Variants in ADGRV1 observed in about 807,000 individuals in gnomAD.
ADGRV1 encodes the protein G-protein coupled receptor 98.
ADGRV1 carries 359 observed loss-of-function variants against 596.2 expected under a neutral mutation model. That is an observed-to-expected ratio of 0.60 (90% confidence interval 0.55 to 0.66). ADGRV1 has a LOEUF of 0.66. Among genes scored for constraint, ADGRV1 ranks in the 30% least tolerant of loss-of-function variants. The probability of loss-of-function intolerance (pLI) is 0.00; values close to 1 mark genes in which losing one functional copy is unlikely to be tolerated. For synonymous variants in ADGRV1, 2,681 were observed against 2,679.2 expected (o/e 1.00, Z -0.02); for missense variants, 7,274 against 7,575.6 (o/e 0.96, Z 1.48).
intron 75 of ADGRV1, 129 bp downstream of exon 75, chr5:90,815,865 G>C (rs1032030468): frequency 1.8e-5 from 11 of 614,202 alleles, no homozygotes; most frequent in Middle Eastern, 7.0e-4. Context: ...CACGTCTTCA[G>C]ATGCTCTAGT....
At chr5:90,947,222 T>A (rs1381815666) in intron 83 of ADGRV1, among the ~76,000 whole-genome samples, 1 of 152,222 alleles carries the variant, frequency 6.6e-6, no homozygotes, top group Non-Finnish European at 1.5e-5. Context: ...TTGATTTGCA[T>A]TTCTCTAACA....
chr5:90,674,032 C>T (rs1193317395), intron 22 of ADGRV1, 22 bp from the exon 23 acceptor site: 4 of 1,562,942 alleles, frequency 2.6e-6, no homozygotes, highest in South Asian at 2.3e-5. Context: ...TGCTTAGTGC[C>T]TCTGGATATT....
chr5:90,719,139 G>A (rs998981456), intron 43 of ADGRV1, among the ~76,000 whole-genome samples: 5 of 152,024 alleles, frequency 3.3e-5, no homozygotes, highest in Non-Finnish European at 7.4e-5. Context: ...AGACCAGCCT[G>A]GCCAACATAG....
chr5:91,133,229 A>G (rs1160997218), intron 87 of ADGRV1, among the ~76,000 whole-genome samples: 1 of 152,228 alleles, frequency 6.6e-6, no homozygotes, highest in African/African-American at 2.4e-5. Context: ...CTTGAAGAGA[A>G]GTTGGAGGTT....
chr5:90,854,074 A>C lies in ADGRV1; in HGVS notation c.17467A>C (p.Ser5823Arg). Residue 5823 changes from serine to arginine, a missense_variant, in exon 81 of 90, where the codon AGT (serine) becomes CGT (arginine). Ser to Arg is a moderately radical substitution (Grantham distance 110). Transcript: ENST00000405460. ...TTTAACATTCTAGGTATTATCTTTG[A>C]GTGTGAAAGGTCAGAGTTCACAACT... Reference protein sequence around the residue: ...PTLKNKVLSLSVKGQSSQLLT... With the variant: ...PTLKNKVLSLRVKGQSSQLLT... 6.3e-7 allele frequency: 1 copy of C among 1,581,376 alleles called. No homozygotes were observed. Among genetic ancestry groups the C allele is most frequent in the South Asian group, 1.1e-5 (1 of 87,282 alleles).
chr5:90,750,479 CAT>C, intron 52 of ADGRV1, 70 bp from the exon 53 acceptor site: 1 of 1,330,388 alleles, frequency 7.5e-7, no homozygotes, highest in Non-Finnish European at 1.0e-6. Context: ...TCCATAATAA[CAT>C]GAGACAAAAA....
intron 84 of ADGRV1, among the ~76,000 whole-genome samples, chr5:90,976,994 C>A (rs1349469775): frequency 6.6e-6 from 1 of 152,102 alleles, no homozygotes; most frequent in Non-Finnish European, 1.5e-5. Flanking sequence ...CTCAATATAA[C>A]CAGGCTATGA....
chr5:90,652,956 C>T (rs574940030), intron 19 of ADGRV1, among the ~76,000 whole-genome samples: 30 of 152,270 alleles, frequency 2.0e-4, no homozygotes, highest in Non-Finnish European at 4.1e-4. Context: ...TTAAAAAGCA[C>T]AGAATTAAAC....
Position 91,153,278 on chromosome 5 carries a change from T to G in ADGRV1, c.18682T>G (p.Leu6228Val), listed in dbSNP as rs1324894620. ...FQQGSQASPD[L>V]KPSPQNGATF... ...ACAGGGCAGTCAGGCCAGCCCTGATTTAAAGCCAAGTCCACAAAATGGAGC... is the reference window on the plus strand; with the variant it reads ...ACAGGGCAGTCAGGCCAGCCCTGATGTAAAGCCAAGTCCACAAAATGGAGC... Residue 6228 changes from leucine to valine, a missense_variant, in exon 89 of 90, where the codon TTA becomes GTA. Coordinates refer to ENST00000405460, the MANE Select transcript of ADGRV1 (RefSeq NM_032119.4). 1 of 1,609,786 alleles carries G rather than the reference T, an allele frequency of 6.2e-7. No individual in the cohort carries two copies. The highest frequency in any genetic ancestry group is 1.1e-5 in the South Asian group (1 of 89,872).
intron 83 of ADGRV1, among the ~76,000 whole-genome samples, chr5:90,914,129 G>A (rs760278365): frequency 5.9e-5 from 9 of 152,032 alleles, no homozygotes; most frequent in Non-Finnish European, 1.3e-4. Flanking sequence ...TTGGATGTGG[G>A]GTTTTTGCAC....
intron 85 of ADGRV1, among the ~76,000 whole-genome samples, chr5:91,052,589 C>G (rs1420686368): frequency 6.6e-6 from 1 of 152,068 alleles, no homozygotes; most frequent in African/African-American, 2.4e-5. Context: ...CCCCCACCAC[C>G]ACGCCTGGCT....
intron 60 of ADGRV1, among the ~76,000 whole-genome samples, chr5:90,775,924 T>A (rs1404609119): frequency 6.6e-6 from 1 of 152,206 alleles, no homozygotes; most frequent in Non-Finnish European, 1.5e-5. Flanking sequence ...CAATTTTCTT[T>A]AAGTTTCTGC....
At chr5:90,996,530 A>G (rs1412136775) in intron 85 of ADGRV1, among the ~76,000 whole-genome samples, 2 of 152,192 alleles carry the variant, frequency 1.3e-5, no homozygotes, top group Non-Finnish European at 2.9e-5. Flanking sequence ...CTGCAGGGGT[A>G]GGACCCTCAT....
chr5:91,122,853 G>A (rs1372493227), intron 87 of ADGRV1, among the ~76,000 whole-genome samples: 1 of 152,206 alleles, frequency 6.6e-6, no homozygotes, highest in African/African-American at 2.4e-5. Context: ...CTTACTCTCA[G>A]TTAATCCCTG....
intron 87 of ADGRV1, among the ~76,000 whole-genome samples, chr5:91,104,461 G>A (rs1791671510): frequency 6.6e-6 from 1 of 152,114 alleles, no homozygotes; most frequent in Admixed American, 6.6e-5. Flanking sequence ...CCTCCTTCTA[G>A]CACTTTGAAA....
intron 1 of ADGRV1, among the ~76,000 whole-genome samples, chr5:90,575,688 C>T (rs1757110557): frequency 6.6e-6 from 1 of 152,126 alleles, no homozygotes; most frequent in African/African-American, 2.4e-5. Context: ...GTCTACAGGC[C>T]TGGCAACTTT....
chr5:91,038,445 G>C (rs1785080735), intron 85 of ADGRV1, among the ~76,000 whole-genome samples: 1 of 152,226 alleles, frequency 6.6e-6, no homozygotes, highest in South Asian at 2.1e-4. Context: ...TACAAGCCCA[G>C]CAAGAGTTGA....
At chr5:90,672,911 C>T (rs376288750) in intron 22 of ADGRV1, 189 bp downstream of exon 22, 1 of 514,230 alleles carries the variant, frequency 1.9e-6, no homozygotes, top group Non-Finnish European at 3.4e-6. Context: ...GAGTTAGTTT[C>T]TTCATCACTT....
chr5:90,752,165 G>A (rs1755337600), intron 53 of ADGRV1, among the ~76,000 whole-genome samples: 1 of 152,174 alleles, frequency 6.6e-6, no homozygotes, highest in Non-Finnish European at 1.5e-5. Context: ...AGACAATATA[G>A]GCAGCGATAG....
Sources: gnomAD v4.1 joint callset for allele counts (sites outside exome capture counted in the v4.1 genomes callset) on GRCh38, gnomAD v4.1.1 for gene constraint, MANE v1.5 for transcripts, NCBI Gene and HGNC (gene_info 2026-07-23, HGNC 2026-07-21) for gene names.